Variants in KCNMA1 observed in about 807,000 individuals in gnomAD.
KCNMA1 encodes potassium calcium-activated channel subfamily M alpha 1, also known as Calcium-activated potassium channel subunit alpha-1.
KCNMA1 carries 29 observed loss-of-function variants against 140.0 expected under a neutral mutation model. The ratio of observed to expected loss-of-function variants is 0.21; its 90% CI spans 0.15 to 0.28. KCNMA1 has a LOEUF of 0.28. KCNMA1 is among the 10% of genes least tolerant of loss of function. The probability of loss-of-function intolerance (pLI) is 1.00; values close to 1 mark genes in which losing one functional copy is unlikely to be tolerated. For missense variants in KCNMA1, 880 were observed against 1,602.2 expected (o/e 0.55, Z 7.70); for synonymous variants, 612 against 611.9 (o/e 1.00, Z 0.00).
chr10:77,092,312 C>T (rs2096836405), intron 9 of KCNMA1: 1 of 152,156 alleles, frequency 6.6e-6, no homozygotes. Context: ...TTTACATGGA[C>T]AAAATACTTC....
chr10:77,605,164 G>A (rs543937418), intron 1 of KCNMA1, among the ~76,000 whole-genome samples: 2 of 152,356 alleles, frequency 1.3e-5, no homozygotes, highest in African/African-American at 4.8e-5. Context: ...CAGCCCAGGG[G>A]CACATGGCTG....
chr10:76,997,025 T>C (rs1321279786), intron 19 of KCNMA1, among the ~76,000 whole-genome samples: 1 of 152,200 alleles, frequency 6.6e-6, no homozygotes, highest in Non-Finnish European at 1.5e-5. Context: ...CCCCTGCCCT[T>C]GTATCTGATT....
At chr10:76,960,199 C>T (rs1233028124) in intron 20 of KCNMA1, among the ~76,000 whole-genome samples, 1 of 152,148 alleles carries the variant, frequency 6.6e-6, no homozygotes, top group East Asian at 1.9e-4. Flanking sequence ...TCAGCTCACC[C>T]TCCAGTGTCC....
At chr10:77,404,100 G>C in intron 1 of KCNMA1, 77 bp from the exon 2 acceptor site, 1 of 1,474,072 alleles carries the variant, frequency 6.8e-7, no homozygotes, top group Admixed American at 1.7e-5. Context: ...TAAAGAACCA[G>C]AGCCAGAAGG....
At chr10:77,104,158 T>C (rs1275068399) in intron 9 of KCNMA1, among the ~76,000 whole-genome samples, 1 of 152,212 alleles carries the variant, frequency 6.6e-6, no homozygotes, top group Non-Finnish European at 1.5e-5. Flanking sequence ...ACAGGATCAA[T>C]GTGAGGATTC....
chr10:77,533,993 G>T (rs1297901422), intron 1 of KCNMA1, among the ~76,000 whole-genome samples: 2 of 152,086 alleles, frequency 1.3e-5, no homozygotes, highest in Non-Finnish European at 2.9e-5. Context: ...CCACTATGCT[G>T]CTTGGTGCTG....
intron 1 of KCNMA1, among the ~76,000 whole-genome samples, chr10:77,589,711 G>A (rs1269302685): frequency 6.6e-6 from 1 of 152,126 alleles, no homozygotes; most frequent in African/African-American, 2.4e-5. Flanking sequence ...CCTTCTGGTG[G>A]GTTCATGGTC....
intron 1 of KCNMA1, among the ~76,000 whole-genome samples, chr10:77,467,157 G>A (rs572287726): frequency 3.9e-5 from 6 of 152,178 alleles, no homozygotes; most frequent in African/African-American, 1.2e-4. Flanking sequence ...CTGGCTCTTG[G>A]CCTTATAGAT....
intron 2 of KCNMA1, among the ~76,000 whole-genome samples, chr10:77,269,639 G>A (rs1352742884): frequency 2.6e-5 from 4 of 152,186 alleles, no homozygotes; most frequent in Non-Finnish European, 4.4e-5. Flanking sequence ...AGTCAGGGCC[G>A]TGGCCACCTG....
chr10:77,007,509 C>T (rs2089253507), intron 18 of KCNMA1, among the ~76,000 whole-genome samples: 1 of 151,844 alleles, frequency 6.6e-6, no homozygotes, highest in South Asian at 2.1e-4. Context: ...AATTATCTAG[C>T]AAGCACTTCT....
At chr10:77,636,803 C>G (rs2093793798) in intron 1 of KCNMA1, 2 of 1,445,794 alleles carry the variant, frequency 1.4e-6, no homozygotes, top group African/African-American at 2.9e-5. Context: ...ACTCATCTCC[C>G]CAACAGGTTC....
chr10:77,111,817 G>T (rs1002311513), intron 7 of KCNMA1, among the ~76,000 whole-genome samples: 6 of 152,182 alleles, frequency 3.9e-5, no homozygotes, highest in African/African-American at 1.4e-4. Flanking sequence ...CTCTCTAAAA[G>T]CAGGGGGAAA....
intron 18 of KCNMA1, among the ~76,000 whole-genome samples, chr10:77,005,036 T>C (rs1410844947): frequency 6.6e-6 from 1 of 152,210 alleles, no homozygotes; most frequent in East Asian, 1.9e-4. Flanking sequence ...CTTTCTTACG[T>C]AGTCACCCAT....
rs992627931 is a variant in KCNMA1 at position 77,084,620 on chromosome 10, A to C, written c.1523+17T>G. On this transcript the variant is annotated intron_variant, in intron 12 of 27. Coordinates refer to ENST00000286628, the MANE Select transcript of KCNMA1 (RefSeq NM_001161352.2). ...GACTGCCAAGCCCAGGGCCTTCCGC[A>C]GCGCCCCAAGAGTTACCTCATGATA... 6.2e-7 allele frequency: 1 copy of C among 1,608,078 alleles called. No individual in the cohort carries two copies. The highest frequency in any genetic ancestry group is 1.3e-5 in the African/African-American group (1 of 74,846).
Position 77,125,196 on chromosome 10 carries a change from C to T in KCNMA1, c.809-4148G>A, listed in dbSNP as rs566775501. ...AGCCAAACCATATCAGCTTCCTAACCGCTTTCTGCCCTGGACCCCTTGTGT... is the reference window on the plus strand; with the variant it reads ...AGCCAAACCATATCAGCTTCCTAACTGCTTTCTGCCCTGGACCCCTTGTGT... On this transcript the variant is annotated intron_variant, in intron 5 of 27. Transcript: ENST00000286628. Among the ~76,000 whole-genome samples, 16 of 152,260 alleles carry T rather than the reference C, an allele frequency of 1.1e-4. No individual in the cohort carries two copies. In the South Asian group the frequency reaches 1.7e-3, roughly 16 times the overall value.
intron 15 of KCNMA1, among the ~76,000 whole-genome samples, chr10:77,032,699 A>G (rs1221887738): frequency 6.6e-6 from 1 of 152,054 alleles, no homozygotes; most frequent in Non-Finnish European, 1.5e-5. Flanking sequence ...AGGTCTACCA[A>G]ATTTGACAAC....
chr10:77,489,727 G>A (rs1258721713), intron 1 of KCNMA1, among the ~76,000 whole-genome samples: 1 of 152,228 alleles, frequency 6.6e-6, no homozygotes, highest in Non-Finnish European at 1.5e-5. Flanking sequence ...CCAAAGCAGA[G>A]CTTAATATCA....
intron 23 of KCNMA1, among the ~76,000 whole-genome samples, chr10:76,931,735 TG>T (rs773016331): frequency 3.5e-4 from 54 of 152,168 alleles, no homozygotes; most frequent in Non-Finnish European, 6.5e-4. Context: ...CATGCTAGCC[TG>T]TCTATGGAGG....
intron 19 of KCNMA1, among the ~76,000 whole-genome samples, chr10:76,991,207 T>G (rs772654697): frequency 2.0e-5 from 3 of 152,180 alleles, no homozygotes; most frequent in Non-Finnish European, 4.4e-5. Context: ...ACCAAAATAA[T>G]CAGGTTTGCT....
Sources: allele counts gnomAD v4.1 joint callset (sites outside exome capture counted in the v4.1 genomes callset), GRCh38; gene constraint gnomAD v4.1.1; transcripts MANE v1.5; gene names NCBI Gene and HGNC (gene_info 2026-07-23, HGNC 2026-07-21).